The following COL5A1 variants were observed in gnomAD, a reference collection of about 807,000 sequenced individuals.
COL5A1 encodes the protein collagen alpha-1(V) chain.
In COL5A1, 16 loss-of-function variants were observed where a neutral mutation model predicts 263.7. The observed-to-expected ratio is 0.06, with a 90% CI of 0.04 to 0.09. The LOEUF is 0.09. Ranked by LOEUF, COL5A1 falls within the 10% of genes least tolerant of loss-of-function variation. The pLI, the probability that COL5A1 is intolerant of heterozygous loss-of-function variation, is 1.00. For missense variants in COL5A1, 2,036 were observed against 2,540.5 expected (o/e 0.80, Z 4.27); for synonymous variants, 1,012 against 1,004.5 (o/e 1.01, Z -0.14).
Position 134,795,084 on chromosome 9 carries a change from G to T in COL5A1, c.2703G>T (p.Gly901=), listed in dbSNP as rs749900113. 6.2e-7 allele frequency: 1 copy of T among 1,614,020 alleles called. No individual in the cohort carries two copies. Among genetic ancestry groups the T allele is most frequent in the Non-Finnish European group, 8.5e-7 (1 of 1,179,994 alleles). The change falls in exon 33 of 66, where the codon GGG becomes GGT. Residue 901 remains glycine, a splice_region_variant and synonymous_variant. Transcript: ENST00000371817. ...ACCAGCCCCTTCTCTGATTCTAGGG[G>T]ACCCCTGGAAAGCCAGGACCGCGGG... is the stretch of plus-strand genomic sequence containing the variant. The part of the protein sequence containing the change: ...PGANGEKGGR[G]TPGKPGPRGQ...
At chr9:134,685,072 C>CCATT (rs1832976416) in intron 1 of COL5A1, among the ~76,000 whole-genome samples, 2 of 113,812 alleles carry the variant, frequency 1.8e-5, no homozygotes, top group Non-Finnish European at 1.9e-5. Context: ...ATCCATCCAT[C>CCATT]CATCCATCCA....
chr9:134,831,883 G>C (rs964978854), intron 64 of COL5A1, among the ~76,000 whole-genome samples: 5 of 152,324 alleles, frequency 3.3e-5, no homozygotes, highest in African/African-American at 4.8e-5. Flanking sequence ...GAACACATCA[G>C]CTTACTTTAG....
Position 134,835,062 on chromosome 9 carries a change from C to T in COL5A1, c.5228C>T (p.Thr1743Ile). The T allele has an allele frequency of 6.2e-7, 1 of 1,613,574 alleles. No individual in the cohort carries two copies. Among genetic ancestry groups the T allele is most frequent in the Admixed American group, 1.7e-5 (1 of 60,022 alleles). The change falls in exon 65 of 66, where the codon ACC (threonine) becomes ATC (isoleucine). Residue 1743 changes from threonine (T) to isoleucine (I), a missense_variant. Physicochemically the swap from Thr to Ile is moderately conservative, Grantham distance 89. Around this residue, in one of 3 missense-constraint regions of COL5A1, gnomAD observed 358 missense variants for 384.6 expected, o/e 0.93. Transcript: ENST00000371817. The stretch of plus-strand genomic sequence containing the variant: ...AGCGCCTCTGCCCACCAGAACGTCA[C>T]CTACCACTGCTACCAGTCAGTGGCC... ...LLSASAHQNV[T>I]YHCYQSVAWQ...
In COL5A1 at chr9:134,647,687, G is replaced by A. The variant is rs185912349; in HGVS notation, c.109+5391G>A. Among the ~76,000 whole-genome samples the A allele has an allele frequency of 2.0e-5, 3 of 152,186 alleles. No individual in the cohort carries two copies. Among genetic ancestry groups the A allele is most frequent in the Non-Finnish European group, 4.4e-5 (3 of 68,044 alleles). On this transcript the variant is annotated intron_variant, in intron 1 of 65. Coordinates refer to ENST00000371817, the MANE Select transcript of COL5A1 (RefSeq NM_000093.5). This position sits in a 1 kb window ranked among gnomAD's most constrained non-coding sequence, Gnocchi z 5.0. Reference sequence around the variant, plus strand: ...TGAGCGTGAGGCTGTGGGTTCTGCCGCAGGGCAAGCCGGGTCCAGCTGGAT... The same window carrying A: ...TGAGCGTGAGGCTGTGGGTTCTGCCACAGGGCAAGCCGGGTCCAGCTGGAT...
intron 4 of COL5A1, among the ~76,000 whole-genome samples, chr9:134,713,771 T>C (rs957016079): frequency 6.6e-6 from 1 of 152,144 alleles, no homozygotes; most frequent in African/African-American, 2.4e-5. Context: ...GGCAGGGTGA[T>C]CTCAGGTCTG....
At chr9:134,672,089 C>G (rs1421817813) in intron 1 of COL5A1, among the ~76,000 whole-genome samples, 5 of 152,232 alleles carry the variant, frequency 3.3e-5, no homozygotes, top group Non-Finnish European at 7.3e-5. Flanking sequence ...TGCCCATTAT[C>G]AAGGCAAAGG....
chr9:134,798,531 T>A, intron 37 of COL5A1, 70 bp downstream of exon 37: 1 of 1,477,460 alleles, frequency 6.8e-7, no homozygotes, highest in Non-Finnish European at 9.5e-7. Flanking sequence ...GGCACAGCCC[T>A]CGCTGCCCAG....
At chr9:134,731,412 C>A in intron 7 of COL5A1, 84 bp from the exon 8 acceptor site, 1 of 1,414,264 alleles carries the variant, frequency 7.1e-7, no homozygotes, top group Non-Finnish European at 9.9e-7. Context: ...GACCGGATAG[C>A]CACAGTGCCC....
At chr9:134,731,470 C>T in intron 7 of COL5A1, 26 bp from the exon 8 acceptor site, 1 of 1,613,318 alleles carries the variant, frequency 6.2e-7, no homozygotes, top group African/African-American at 1.3e-5. Context: ...TGCGAGGCAA[C>T]CCTGCGCCTT....
chr9:134,796,943 C>T (rs1184719835), intron 36 of COL5A1, 42 bp downstream of exon 36: 3 of 270,496 alleles, frequency 1.1e-5, no homozygotes, highest in Non-Finnish European at 1.4e-5. Context: ...TGCCTGTCCC[C>T]TCCAAAACCC....
chr9:134,655,375 G>T (rs1320057432), intron 1 of COL5A1, among the ~76,000 whole-genome samples: 1 of 151,970 alleles, frequency 6.6e-6, no homozygotes, highest in East Asian at 1.9e-4. Flanking sequence ...CAGCCGGGAG[G>T]GTGGAGGGCG....
chr9:134,774,753 C>T, intron 26 of COL5A1, 106 bp from the exon 27 acceptor site: 1 of 1,187,900 alleles, frequency 8.4e-7, no homozygotes, highest in South Asian at 1.3e-5. Context: ...GGGATGTTCG[C>T]CCTGCTCTCA....
At position 134,652,850 on chromosome 9, in the gene COL5A1, A is replaced by T. The variant is rs562834332; in HGVS notation, c.109+10554A>T. 23 of 399,038 alleles carry T rather than the reference A, an allele frequency of 5.8e-5. No homozygotes were observed. The highest frequency in any genetic ancestry group is 3.9e-4 in the South Asian group (21 of 54,434). The allele number at this position is 399,038 out of a possible 1,614,324, so 24.7% of individuals were successfully genotyped here. On this transcript the variant is annotated intron_variant, in intron 1 of 65. Coordinates refer to ENST00000371817, the MANE Select transcript of COL5A1 (RefSeq NM_000093.5). The surrounding 1 kb of genome is among the most constrained non-coding windows in gnomAD (Gnocchi z 4.4). The stretch of plus-strand genomic sequence containing the variant: ...ATCCCCCCGAGGCCTCTCTTAAGGC[A>T]CAGATTGTTTCTGACTCAGGAGGCC...
At chr9:134,689,909 G>T (rs971677309) in intron 1 of COL5A1, among the ~76,000 whole-genome samples, 13 of 152,208 alleles carry the variant, frequency 8.5e-5, no homozygotes, top group African/African-American at 2.9e-4. Flanking sequence ...GGAGCCTCTT[G>T]CTCGTGGGCA....
intron 2 of COL5A1, 52 bp downstream of exon 2, chr9:134,691,131 C>T (rs1294848116): frequency 1.2e-6 from 2 of 1,607,538 alleles, no homozygotes; most frequent in East Asian, 2.2e-5. Context: ...GGCCCTCTGG[C>T]CTCCAGCCAG....
intron 42 of COL5A1, chr9:134,808,870 A>T: frequency 2.3e-6 from 1 of 441,212 alleles, no homozygotes; most frequent in African/African-American, 2.0e-5. Context: ...AGGCTCAAGA[A>T]TTTGGCCGGC....
At chr9:134,805,915 C>T (rs985840722) in intron 41 of COL5A1, among the ~76,000 whole-genome samples, 2 of 152,052 alleles carry the variant, frequency 1.3e-5, no homozygotes. Flanking sequence ...GGAGGGGGTG[C>T]CAGGCTTCTA....
intron 65 of COL5A1, among the ~76,000 whole-genome samples, chr9:134,836,811 C>T (rs895549132): frequency 3.9e-5 from 6 of 152,248 alleles, no homozygotes; most frequent in African/African-American, 4.8e-5. Flanking sequence ...GCGGCCAGGC[C>T]GTGCTCAGCG....
intron 29 of COL5A1, among the ~76,000 whole-genome samples, chr9:134,783,487 C>A (rs1014140713): frequency 6.6e-6 from 1 of 152,052 alleles, no homozygotes; most frequent in Non-Finnish European, 1.5e-5. Context: ...TGGAGGTTTC[C>A]CCAGTAACCT....
Sources: gnomAD v4.1 joint callset for allele counts (sites outside exome capture counted in the v4.1 genomes callset) on GRCh38, gnomAD v4.1.1 for gene constraint, gnomAD v4.1.1 regional missense constraint, Gnocchi (gnomAD v3.1) non-coding constraint, MANE v1.5 for transcripts, NCBI Gene and HGNC (gene_info 2026-07-23, HGNC 2026-07-21) for gene names.